MYO7A: variants seen among roughly 807,000 people sequenced by gnomAD.
MYO7A encodes myosin VIIA.
A neutral mutation model predicts 263.8 loss-of-function variants in MYO7A; 210 were observed. The ratio of observed to expected loss-of-function variants is 0.80; its 90% confidence interval spans 0.71 to 0.89. MYO7A has a LOEUF of 0.89. MYO7A is among the 40% of genes least tolerant of loss of function. The probability of loss-of-function intolerance (pLI) is 0.00; values close to 1 mark genes in which losing one functional copy is unlikely to be tolerated. For missense variants in MYO7A, 2,820 were observed against 2,968.3 expected, an observed-to-expected ratio of 0.95 and a Z score of 1.16; for synonymous variants, 1,239 against 1,197.3, an observed-to-expected ratio of 1.03 and a Z score of -0.72.
intron 36 of MYO7A, among the ~76,000 whole-genome samples, chr11:77,201,865 T>C (rs1432571183): frequency 1.2e-5 from 1 of 82,852 alleles, no homozygotes; most frequent in Non-Finnish European, 2.5e-5. Context: ...GGGCCGGGGG[T>C]GGGGATTGGA....
rs1555065482 is a variant in MYO7A at position 77,158,269 on chromosome 11, C to A, written c.850-8C>A. ...TCTTGCACCCCACTCTCCCACCCTG[C>A]CCACCAGGGTAACTGCATAACCTGT... is the stretch of plus-strand genomic sequence containing the variant. On this transcript the variant is annotated splice_region_variant and splice_polypyrimidine_tract_variant and intron_variant, in intron 8 of 48. Coordinates refer to ENST00000409709, the MANE Select transcript of MYO7A (RefSeq NM_000260.4). 3 of 1,587,092 alleles carry A rather than the reference C, an allele frequency of 1.9e-6. No homozygotes were observed. The highest frequency in any genetic ancestry group is 2.6e-6 in the Non-Finnish European group (3 of 1,161,226).
chr11:77,179,825 TTCCAGGCCCGCTGCCGCGCCTA>T lies in MYO7A; in HGVS notation c.2461_2482del (p.Gln821TrpfsTer23), dbSNP rs1555082732. The T allele has an allele frequency of 6.5e-7, 1 of 1,545,682 alleles. No individual in the cohort carries two copies. Among genetic ancestry groups the T allele is most frequent in the Non-Finnish European group, 8.7e-7 (1 of 1,147,812 alleles). ...CCTGGCCCGCCAGCGCATCATCCAG[TTCCAGGCCCGCTGCCGCGCCTA>T]TCTGGTGCGCAAGGCCTTCCGCCAC... On this transcript the variant is annotated frameshift_variant, in exon 21 of 49. Transcript: ENST00000409709. LOFTEE classifies it high-confidence loss of function.
intron 20 of MYO7A, among the ~76,000 whole-genome samples, 195 bp downstream of exon 20, chr11:77,179,324 G>A (rs953921202): frequency 6.6e-6 from 1 of 152,224 alleles, no homozygotes; most frequent in East Asian, 1.9e-4. Context: ...CAACTGGCCA[G>A]CAATGTTTGT....
chr11:77,207,548 C>A (rs1163214790), intron 42 of MYO7A, 146 bp downstream of exon 42: 6 of 689,078 alleles, frequency 8.7e-6, no homozygotes, highest in African/African-American at 7.1e-5. Context: ...CTGCAGCCTC[C>A]CCTTACATGG....
chr11:77,198,410 G>C (rs550950052), intron 33 of MYO7A, 85 bp from the exon 34 acceptor site: 10 of 1,542,880 alleles, frequency 6.5e-6, no homozygotes, highest in Non-Finnish European at 7.9e-6. Context: ...TCAGTGTATT[G>C]CCACCTGCCT....
intron 44 of MYO7A, 63 bp from the exon 45 acceptor site, chr11:77,211,089 G>A (rs556665682): frequency 7.0e-7 from 1 of 1,434,178 alleles, no homozygotes; most frequent in South Asian, 1.4e-5. Context: ...TCTTGGTGTG[G>A]TGGGAAAGGA....
At position 77,157,007 on chromosome 11, in the gene MYO7A, G is replaced by A. The variant is rs371398512; in HGVS notation, c.735+3G>A. The A allele has an allele frequency of 6.6e-5, 107 of 1,612,084 alleles. No individual in the cohort carries two copies. In the African/African-American group the frequency reaches 1.3e-3, roughly 20 times the overall value. On this transcript the variant is annotated splice_donor_region_variant and intron_variant, in intron 7 of 48. Coordinates refer to ENST00000409709, the MANE Select transcript of MYO7A (RefSeq NM_000260.4). ...AAAAGTCACGTGTCTGTCGCCAGGT[G>A]GGCCTGAGCCCCAGGGATGCAGGAA...
intron 2 of MYO7A, among the ~76,000 whole-genome samples, chr11:77,132,638 G>A (rs376707283): frequency 2.0e-5 from 3 of 152,054 alleles, no homozygotes; most frequent in African/African-American, 7.2e-5. Context: ...ACAGGCACCC[G>A]TCACCACGTC....
intron 15 of MYO7A, among the ~76,000 whole-genome samples, 183 bp downstream of exon 15, chr11:77,166,345 T>G (rs1315120942): frequency 6.6e-6 from 1 of 152,160 alleles, no homozygotes; most frequent in African/African-American, 2.4e-5. Context: ...GGTCCTCTTA[T>G]TGTACTAACT....
At chr11:77,172,520 A>C (rs1485406959) in intron 15 of MYO7A, among the ~76,000 whole-genome samples, 1 of 152,150 alleles carries the variant, frequency 6.6e-6, no homozygotes, top group Admixed American at 6.5e-5. Flanking sequence ...CCCCTCGCCC[A>C]GAGGTGGTAA....
intron 26 of MYO7A, among the ~76,000 whole-genome samples, chr11:77,184,300 C>A (rs1408690996): frequency 6.6e-6 from 1 of 152,130 alleles, no homozygotes; most frequent in African/African-American, 2.4e-5. Flanking sequence ...CTGAGAGGAC[C>A]TCCCTGGGGT....
Position 77,202,357 on chromosome 11 carries a change from C to T in MYO7A, c.5101C>T (p.Arg1701Ter), listed in dbSNP as rs111033182. ...RQDVVRLLQL[R>*]TAEPEVRAKP... is the part of the protein sequence containing the mutation. Reference sequence around the variant, plus strand: ...GGACGTTGTCCGGCTCTTGCAGCTGCGAACGGCGGAGCCCGAGGTGCGTGC... The same window carrying T: ...GGACGTTGTCCGGCTCTTGCAGCTGTGAACGGCGGAGCCCGAGGTGCGTGC... The change falls in exon 37 of 49, where the codon CGA becomes TGA. Residue 1701 changes from arginine to a stop codon, truncating the protein, a stop_gained. Transcript: ENST00000409709. LOFTEE classifies it high-confidence loss of function. 3.8e-6 allele frequency: 6 copies of T among 1,570,530 alleles called. No homozygotes were observed. The highest frequency in any genetic ancestry group is 1.2e-5 in the South Asian group (1 of 85,330).
rs1954254171 is a variant in MYO7A at position 77,172,888 on chromosome 11, G to A, written c.1935+3G>A. ...CCAATGAGTTCAAGAAGCCCATGGT[G>A]AGTGGCCCTGGCCTGGGGTTGGCGG... On this transcript the variant is annotated splice_donor_region_variant and intron_variant, in intron 16 of 48. Transcript: ENST00000409709. The A allele has an allele frequency of 6.5e-7, 1 of 1,549,382 alleles. No individual in the cohort carries two copies. Among genetic ancestry groups the A allele is most frequent in the South Asian group, 1.2e-5 (1 of 83,984 alleles).
intron 4 of MYO7A, among the ~76,000 whole-genome samples, chr11:77,151,844 G>C (rs911099073): frequency 6.6e-6 from 1 of 152,226 alleles, no homozygotes; most frequent in African/African-American, 2.4e-5. Flanking sequence ...GACCCCAGCT[G>C]CTGGCTCTGT....
rs1373467595 is a variant in MYO7A at position 77,214,457 on chromosome 11, A to G, written c.6559-150A>G. 1.4e-5 allele frequency: 9 copies of G among 661,388 alleles called. No individual in the cohort carries two copies. The South Asian group carries it at 1.6e-4, about 12-fold the overall frequency. 41.0% of individuals were successfully genotyped at this position (661,388 alleles called of 1,614,324 possible). ...CTGGCTGGATGAATTCAACCCTTCAATTGTGCAGATGGGAGATAAGCCCTG... is the reference window on the plus strand; with the variant it reads ...CTGGCTGGATGAATTCAACCCTTCAGTTGTGCAGATGGGAGATAAGCCCTG... On this transcript the variant is annotated intron_variant, in intron 48 of 48. Transcript: ENST00000409709.
chr11:77,176,503 G>C (rs369766774), intron 18 of MYO7A, among the ~76,000 whole-genome samples: 4 of 152,322 alleles, frequency 2.6e-5, no homozygotes, highest in Admixed American at 2.0e-4. Context: ...AGGAAGCAGG[G>C]AGCAGGACTT....
At chr11:77,192,381 G>A in intron 31 of MYO7A, 103 bp downstream of exon 31, 3 of 1,213,686 alleles carry the variant, frequency 2.5e-6, no homozygotes, top group Non-Finnish European at 3.6e-6. Flanking sequence ...AGCTCAGGCT[G>A]GGGTGAGCCT....
chr11:77,142,005 C>T (rs781924095), intron 2 of MYO7A, among the ~76,000 whole-genome samples: 17 of 152,254 alleles, frequency 1.1e-4, no homozygotes, highest in Admixed American at 3.9e-4. Context: ...GTAATCAATA[C>T]ATGTTTGTTG....
At chr11:77,187,123 T>C (rs1490174144) in intron 27 of MYO7A, among the ~76,000 whole-genome samples, 1 of 152,198 alleles carries the variant, frequency 6.6e-6, no homozygotes, top group Non-Finnish European at 1.5e-5. Flanking sequence ...GCACGATTCA[T>C]GGTGCACAAA....
Sources: gnomAD v4.1 joint callset for allele counts (sites outside exome capture counted in the v4.1 genomes callset) on GRCh38, gnomAD v4.1.1 for gene constraint, MANE v1.5 for transcripts, NCBI Gene and HGNC (gene_info 2026-07-23, HGNC 2026-07-21) for gene names.